The following LRRC37A2 variants were observed in gnomAD, a reference collection of about 807,000 sequenced individuals.
LRRC37A2 encodes the protein leucine-rich repeat-containing protein 37A2.
Under a neutral mutation model 68.8 loss-of-function variants are expected in LRRC37A2, and 9 were observed. The ratio of observed to expected loss-of-function variants is 0.13; its 90% CI spans 0.08 to 0.23. LRRC37A2 has a LOEUF of 0.23. Among genes scored for constraint, LRRC37A2 ranks in the 10% least tolerant of loss-of-function variants. The probability of loss-of-function intolerance (pLI) is 1.00; values close to 1 mark genes in which losing one functional copy is unlikely to be tolerated. For missense variants in LRRC37A2, 168 were observed against 950.4 expected, an observed-to-expected ratio of 0.18 and a Z score of 10.82; for synonymous variants, 63 against 367.6, an observed-to-expected ratio of 0.17 and a Z score of 9.48.
the LRRC37A2 span, among the ~76,000 whole-genome samples, chr17:46,904,515 TGATGGATG>T: frequency 3.4e-5 from 5 of 146,236 alleles, no homozygotes; most frequent in Non-Finnish European, 6.0e-5. Flanking sequence ...GCTGGACGGA[TGATGGATG>T]GATGGATGGA....
the LRRC37A2 span, among the ~76,000 whole-genome samples, chr17:46,977,020 C>T: frequency 6.6e-6 from 1 of 152,110 alleles, no homozygotes; most frequent in Admixed American, 6.6e-5. Flanking sequence ...GAGATTGGGA[C>T]GACCAGGGTT....
chr17:46,780,548 G>A, the LRRC37A2 span, among the ~76,000 whole-genome samples: 9 of 152,294 alleles, frequency 5.9e-5, no homozygotes, highest in Non-Finnish European at 1.3e-4. Flanking sequence ...CAGCACTTTG[G>A]GAGGCCGAGG....
chr17:46,799,453 T>C, the LRRC37A2 span, among the ~76,000 whole-genome samples: 4 of 151,272 alleles, frequency 2.6e-5, no homozygotes, highest in African/African-American at 9.7e-5. Context: ...CTACTTTTTT[T>C]TTTTTTTTTT....
chr17:46,752,329 CA>C, the LRRC37A2 span, among the ~76,000 whole-genome samples: 1 of 152,178 alleles, frequency 6.6e-6, no homozygotes, highest in African/African-American at 2.4e-5. Flanking sequence ...CCTTATCTGA[CA>C]TACTAGGTAG....
chr17:46,866,467 AGTGT>A, the LRRC37A2 span, among the ~76,000 whole-genome samples: 1 of 151,370 alleles, frequency 6.6e-6, no homozygotes, highest in Non-Finnish European at 1.5e-5. Context: ...AGGGAGTGTG[AGTGT>A]GTGTGTGTAT....
At chr17:46,892,178 C>G in the LRRC37A2 span, among the ~76,000 whole-genome samples, 5 of 152,052 alleles carry the variant, frequency 3.3e-5, no homozygotes, top group Non-Finnish European at 5.9e-5. Context: ...CTCGGCCTCC[C>G]AAAGTGCTGG....
chr17:46,679,746 T>G, the LRRC37A2 span, among the ~76,000 whole-genome samples: 1 of 150,714 alleles, frequency 6.6e-6, no homozygotes, highest in East Asian at 1.9e-4. Context: ...CAAATGTGCA[T>G]GTGAAAGTTG....
chr17:46,775,803 C>T, the LRRC37A2 span, among the ~76,000 whole-genome samples: 3 of 151,300 alleles, frequency 2.0e-5, no homozygotes, highest in African/African-American at 4.9e-5. Context: ...TTAGTAGAGA[C>T]GGGGTTTCAC....
At chr17:46,902,335 G>A in the LRRC37A2 span, among the ~76,000 whole-genome samples, 1 of 152,180 alleles carries the variant, frequency 6.6e-6, no homozygotes, top group Non-Finnish European at 1.5e-5. Context: ...CCCTACTTGT[G>A]CTAACCTTGT....
At chr17:47,001,717 C>CTTTTTTTTTT in the LRRC37A2 span, among the ~76,000 whole-genome samples, 25 of 108,606 alleles carry the variant, frequency 2.3e-4, no homozygotes, top group East Asian at 7.5e-4. Context: ...CTCTTTTTTC[C>CTTTTTTTTTT]TTTTTTTTTT....
chr17:46,544,662 T>C (rs1167043374), intron 8 of LRRC37A2, among the ~76,000 whole-genome samples: 28 of 76,436 alleles, frequency 3.7e-4, no homozygotes, highest in Non-Finnish European at 5.7e-4. Context: ...GTATTCTTAA[T>C]GACCATGCTA....
the LRRC37A2 span, among the ~76,000 whole-genome samples, chr17:46,503,172 A>G: frequency 7.1e-6 from 1 of 141,060 alleles, no homozygotes. Context: ...AGATCATGCC[A>G]CTGCACTCCA....
At chr17:46,500,681 A>G in the LRRC37A2 span, among the ~76,000 whole-genome samples, 2 of 151,156 alleles carry the variant, frequency 1.3e-5, no homozygotes, top group East Asian at 3.9e-4. Flanking sequence ...TTGAGTAGCA[A>G]GGTTGTTTTT....
At chr17:46,840,467 C>T in the LRRC37A2 span, among the ~76,000 whole-genome samples, 1 of 152,222 alleles carries the variant, frequency 6.6e-6, no homozygotes, top group Admixed American at 6.5e-5. Context: ...CCACAATAAA[C>T]ATATGTGTGC....
chr17:47,005,087 ACT>A, the LRRC37A2 span, among the ~76,000 whole-genome samples: 1 of 152,270 alleles, frequency 6.6e-6, no homozygotes, highest in Middle Eastern at 3.4e-3. Flanking sequence ...TCACTTCCTA[ACT>A]CTGTTTTTAA....
the LRRC37A2 span, among the ~76,000 whole-genome samples, chr17:46,822,443 A>G: frequency 6.6e-6 from 1 of 152,248 alleles, no homozygotes; most frequent in Non-Finnish European, 1.5e-5. Flanking sequence ...ATGTTAATCT[A>G]ACACACAAAG....
At chr17:46,969,388 C>T in the LRRC37A2 span, among the ~76,000 whole-genome samples, 1 of 152,176 alleles carries the variant, frequency 6.6e-6, no homozygotes, top group African/African-American at 2.4e-5. Flanking sequence ...GCAGAGTGGC[C>T]AGAAAGGAGG....
chr17:47,045,213 A>C, the LRRC37A2 span, among the ~76,000 whole-genome samples: 2 of 133,936 alleles, frequency 1.5e-5, no homozygotes, highest in African/African-American at 5.4e-5. Flanking sequence ...TTAATCTAAA[A>C]CTCTATACAT....
chr17:46,722,160 C>A, the LRRC37A2 span: 1 of 1,611,820 alleles, frequency 6.2e-7, no homozygotes, highest in Non-Finnish European at 8.5e-7. Flanking sequence ...GGCGCTCGAA[C>A]TGAACATGGC....
Sources: gnomAD v4.1 joint callset for allele counts (sites outside exome capture counted in the v4.1 genomes callset) on GRCh38, gnomAD v4.1.1 for gene constraint, MANE v1.5 for transcripts, NCBI Gene and HGNC (gene_info 2026-07-23, HGNC 2026-07-21) for gene names.